The following PLCZ1 variants were observed in gnomAD, a reference collection of about 807,000 sequenced individuals.
The protein encoded by PLCZ1 is 1-phosphatidylinositol 4,5-bisphosphate phosphodiesterase zeta-1.
A neutral mutation model predicts 76.8 loss-of-function variants in PLCZ1; 64 were observed. The observed-to-expected ratio is 0.83, with a 90% CI of 0.68 to 1.03. The LOEUF is 1.03. Ranked by LOEUF, PLCZ1 falls within the 50% of genes least tolerant of loss-of-function variation. The probability of loss-of-function intolerance (pLI) is 0.00; values close to 1 mark genes in which losing one functional copy is unlikely to be tolerated. For missense variants in PLCZ1, 751 were observed against 713.7 expected (o/e 1.05, Z -0.60); for synonymous variants, 248 against 230.8 (o/e 1.07, Z -0.68).
chr12:18,728,315 A>AATAACTTCCTT (rs1958866662), intron 3 of PLCZ1, among the ~76,000 whole-genome samples: 1 of 152,204 alleles, frequency 6.6e-6, no homozygotes, highest in Non-Finnish European at 1.5e-5. Context: ...AGAAGCTAAC[A>AATAACTTCCTT]ATAACTTCCT....
At chr12:18,670,662 A>C in the PLCZ1 span, among the ~76,000 whole-genome samples, 1 of 152,176 alleles carries the variant, frequency 6.6e-6, no homozygotes, top group Admixed American at 6.5e-5. Context: ...TGTCTCTATT[A>C]CTATTATCAT....
chr12:18,692,298 T>C (rs985190821), intron 12 of PLCZ1, among the ~76,000 whole-genome samples: 5 of 152,146 alleles, frequency 3.3e-5, no homozygotes, highest in Admixed American at 6.6e-5. Flanking sequence ...AGCCACTCTA[T>C]TGATTTGCAA....
At chr12:18,731,476 A>G (rs917913931) in intron 3 of PLCZ1, among the ~76,000 whole-genome samples, 3 of 151,786 alleles carry the variant, frequency 2.0e-5, no homozygotes, top group Non-Finnish European at 2.9e-5. Context: ...GGCTTGGGGA[A>G]ATAACGTCAA....
At chr12:18,686,451 T>G (rs994339273) in intron 13 of PLCZ1, among the ~76,000 whole-genome samples, 8 of 152,122 alleles carry the variant, frequency 5.3e-5, no homozygotes, top group African/African-American at 1.9e-4. Context: ...TCCACCCATC[T>G]TGAGTTTCTT....
rs750654459 is a variant in PLCZ1 at position 18,723,464 on chromosome 12, C to T, written c.214G>A (p.Glu72Lys). 1 of 1,613,002 alleles carries T rather than the reference C, an allele frequency of 6.2e-7. No homozygotes were observed. ...AIYRIITHRE[E>K]IIEIFNTYSE... is the part of the protein sequence containing the mutation. ...TATGTGTTGAAAATCTCAATAATTT[C>T]TTCTCTGTGCGTGATAATTCGATAA... The change falls in exon 4 of 15, where the codon GAA (glutamate) becomes AAA (lysine). Residue 72 changes from glutamate to lysine, a missense_variant. Glu to Lys is a moderately conservative substitution (Grantham distance 56). Coordinates refer to ENST00000266505, the MANE Select transcript of PLCZ1 (RefSeq NM_033123.4).
chr12:18,723,279 T>A, intron 4 of PLCZ1, 32 bp downstream of exon 4: 1 of 1,551,480 alleles, frequency 6.4e-7, no homozygotes. Context: ...CACATATAAA[T>A]ATTCCGATAA....
chr12:18,693,202 A>T (rs1954398592), intron 12 of PLCZ1: 7 of 1,569,400 alleles, frequency 4.5e-6, no homozygotes, highest in Non-Finnish European at 5.3e-6. Flanking sequence ...GCAGACAAGG[A>T]TCTTCTGGAA....
chr12:18,724,986 C>T (rs1958671161), intron 3 of PLCZ1, among the ~76,000 whole-genome samples: 1 of 152,028 alleles, frequency 6.6e-6, no homozygotes, highest in Non-Finnish European at 1.5e-5. Flanking sequence ...TTTGTTTTGT[C>T]TCGTGTTCTT....
At chr12:18,650,028 T>C in the PLCZ1 span, among the ~76,000 whole-genome samples, 17 of 152,202 alleles carry the variant, frequency 1.1e-4, 1 homozygote, top group Middle Eastern at 6.8e-3. Context: ...ATATATCATC[T>C]GAATACTGAT....
At position 18,699,884 on chromosome 12, in the gene PLCZ1, T is replaced by C. The variant is rs749260837; in HGVS notation, c.1084A>G (p.Lys362Glu). Residue 362 changes from lysine (K) to glutamate (E), a missense_variant, in exon 10 of 15, where the codon AAA (lysine) becomes GAA (glutamate). Lys to Glu is a moderately conservative substitution (Grantham distance 56, BLOSUM62 1). Transcript: ENST00000266505. The stretch of plus-strand genomic sequence containing the variant: ...TATAATCTTGAATGTTGAAAGCTTT[T>C]GAATTTCTCAGCTTTCGTATAAATG... ...LVIYTKAEKFKSFQHSRLYQQ... is the reference protein window; with the variant it reads ...LVIYTKAEKFESFQHSRLYQQ... 2 of 1,612,840 alleles carry C rather than the reference T, an allele frequency of 1.2e-6. No homozygotes were observed. Among genetic ancestry groups the C allele is most frequent in the Non-Finnish European group, 1.7e-6 (2 of 1,179,360 alleles).
intron 5 of PLCZ1, chr12:18,714,603 T>C (rs372157178): frequency 9.2e-5 from 14 of 152,268 alleles, no homozygotes; most frequent in East Asian, 7.7e-4. Context: ...AAAGCTCCCT[T>C]GTCATACATA....
chr12:18,660,607 C>G, the PLCZ1 span, among the ~76,000 whole-genome samples: 1 of 152,052 alleles, frequency 6.6e-6, no homozygotes, highest in Non-Finnish European at 1.5e-5. Flanking sequence ...CCAGAAAAGA[C>G]CTTAGATTTA....
At chr12:18,723,680 A>T in intron 3 of PLCZ1, 138 bp from the exon 4 acceptor site, 1 of 802,684 alleles carries the variant, frequency 1.2e-6, no homozygotes, top group Admixed American at 2.4e-5. Context: ...TTGAAGATAA[A>T]ATATACAAAG....
At position 18,717,792 on chromosome 12, in the gene PLCZ1, A is replaced by G. The variant is rs190722542; in HGVS notation, c.569+1639T>C. 2.2e-4 allele frequency among the ~76,000 whole-genome samples: 34 copies of G among 152,272 alleles called. No individual in the cohort carries two copies. In the South Asian group the frequency reaches 2.3e-3, roughly 10 times the overall value. On this transcript the variant is annotated intron_variant, in intron 5 of 14. Coordinates refer to ENST00000266505, the MANE Select transcript of PLCZ1 (RefSeq NM_033123.4). ...GTAAGTCATGTTGGCTATACCTCCT[A>G]AAATTACATGGTCCCCAACATATGA...
At chr12:18,656,634 G>T in the PLCZ1 span, among the ~76,000 whole-genome samples, 3 of 152,108 alleles carry the variant, frequency 2.0e-5, no homozygotes, top group Non-Finnish European at 4.4e-5. Flanking sequence ...TACTTGGGAA[G>T]CTCAGGTGGA....
the PLCZ1 span, among the ~76,000 whole-genome samples, chr12:18,662,687 T>C: frequency 1.3e-5 from 2 of 152,134 alleles, no homozygotes; most frequent in African/African-American, 4.8e-5. Flanking sequence ...TGGAAAGATG[T>C]AATTTTGAAG....
chr12:18,670,655 C>T, the PLCZ1 span, among the ~76,000 whole-genome samples: 1 of 152,114 alleles, frequency 6.6e-6, no homozygotes, highest in African/African-American at 2.4e-5. Context: ...TAATACATGT[C>T]TCTATTACTA....
chr12:18,660,541 G>A, the PLCZ1 span, among the ~76,000 whole-genome samples: 2 of 152,036 alleles, frequency 1.3e-5, no homozygotes, highest in African/African-American at 4.8e-5. Flanking sequence ...CACATATATA[G>A]AGGAAATTAG....
At chr12:18,684,071 T>C in intron 14 of PLCZ1, 59 bp downstream of exon 14, 1 of 1,575,300 alleles carries the variant, frequency 6.3e-7, no homozygotes, top group Non-Finnish European at 8.7e-7. Context: ...AATGTGTCTT[T>C]GATATACACA....
Sources: allele counts gnomAD v4.1 joint callset (sites outside exome capture counted in the v4.1 genomes callset), GRCh38; gene constraint gnomAD v4.1.1; transcripts MANE v1.5; gene names NCBI Gene and HGNC (gene_info 2026-07-23, HGNC 2026-07-21).